CDKAL1: variants seen among roughly 807,000 people sequenced by gnomAD.
The protein encoded by CDKAL1 is CDKAL1 threonylcarbamoyladenosine tRNA methylthiotransferase.
CDKAL1 carries 32 observed loss-of-function variants against 68.2 expected under a neutral mutation model. The ratio of observed to expected loss-of-function variants is 0.47; its 90% CI spans 0.35 to 0.63. The LOEUF (loss-of-function observed/expected upper bound fraction) is 0.63, where lower values mean the gene tolerates loss of function less well. CDKAL1 is among the 30% of genes least tolerant of loss of function. The pLI is 0.00. For synonymous variants in CDKAL1, 234 were observed against 244.3 expected (o/e 0.96, Z 0.39); for missense variants, 606 against 696.7 (o/e 0.87, Z 1.47).
In CDKAL1 at chr6:20,800,131, A is replaced by G. The variant is rs145946668; in HGVS notation, c.638+18866A>G. On this transcript the variant is annotated intron_variant, in intron 8 of 15. Coordinates refer to ENST00000274695, the MANE Select transcript of CDKAL1 (RefSeq NM_017774.3). ...GCCCTGCTGGAACTGCTGGACCAGC[A>G]TATACATGCTCAGCAGCCTTTTTCT... 5.1e-3 allele frequency among the ~76,000 whole-genome samples: 767 copies of G among 149,068 alleles called. 3 individuals carry two copies. Among genetic ancestry groups the G allele is most frequent in the African/African-American group, 0.018 (739 of 40,266 alleles).
chr6:20,891,888 CTGTTTTTCTTTTTTAATTTTAGTCTTA>C (rs1339908674), intron 9 of CDKAL1, among the ~76,000 whole-genome samples: 1 of 152,126 alleles, frequency 6.6e-6, no homozygotes, highest in Non-Finnish European at 1.5e-5. Flanking sequence ...TCATGGTCAT[CTGTTTTTCTTTTTTAATTTTAGTCTTA>C]TCTACGGAGT....
intron 7 of CDKAL1, among the ~76,000 whole-genome samples, chr6:20,778,985 G>T (rs923753021): frequency 6.6e-6 from 1 of 151,994 alleles, no homozygotes; most frequent in Non-Finnish European, 1.5e-5. Flanking sequence ...AAAATTAATC[G>T]TCATAACATT....
chr6:20,605,883 A>G (rs1318185997), intron 4 of CDKAL1, among the ~76,000 whole-genome samples: 1 of 152,190 alleles, frequency 6.6e-6, no homozygotes, highest in East Asian at 1.9e-4. Flanking sequence ...GCACTGGTCA[A>G]TGCTCAGCTG....
chr6:20,581,690 A>G (rs928413950), intron 4 of CDKAL1, among the ~76,000 whole-genome samples: 1 of 152,190 alleles, frequency 6.6e-6, no homozygotes, highest in African/African-American at 2.4e-5. Flanking sequence ...AACAGCCAAT[A>G]TGAACTGCCT....
At chr6:21,171,490 G>C (rs1053802394) in intron 13 of CDKAL1, among the ~76,000 whole-genome samples, 3 of 152,130 alleles carry the variant, frequency 2.0e-5, no homozygotes, top group Non-Finnish European at 4.4e-5. Flanking sequence ...GGGATTACAG[G>C]CTGAGCCACC....
intron 13 of CDKAL1, among the ~76,000 whole-genome samples, chr6:21,127,358 C>G (rs1030002677): frequency 3.9e-5 from 6 of 152,078 alleles, no homozygotes; most frequent in African/African-American, 1.4e-4. Flanking sequence ...TCATACATGT[C>G]GATATAGAGG....
chr6:21,140,189 A>G (rs1401095023), intron 13 of CDKAL1, among the ~76,000 whole-genome samples: 2 of 152,250 alleles, frequency 1.3e-5, no homozygotes, highest in Non-Finnish European at 2.9e-5. Flanking sequence ...ACTTAATTAT[A>G]TCTTAGCAAC....
intron 11 of CDKAL1, among the ~76,000 whole-genome samples, chr6:21,023,569 T>C (rs1156409841): frequency 6.6e-6 from 1 of 152,214 alleles, no homozygotes; most frequent in Non-Finnish European, 1.5e-5. Flanking sequence ...TGTACACTTA[T>C]CGCTTTCCTT....
intron 12 of CDKAL1, among the ~76,000 whole-genome samples, chr6:21,076,711 A>G (rs1772093593): frequency 6.6e-6 from 1 of 152,218 alleles, no homozygotes; most frequent in African/African-American, 2.4e-5. Flanking sequence ...ACCCATAGGG[A>G]AGACCCTTTT....
In CDKAL1 at chr6:20,758,556, G is replaced by A. The variant is rs765821380; in HGVS notation, c.469-39G>A. On this transcript the variant is annotated intron_variant, in intron 6 of 15. Coordinates refer to ENST00000274695, the MANE Select transcript of CDKAL1 (RefSeq NM_017774.3). ...GGATAAACACAAATTTTGTTTCTTC[G>A]TGTAAATTACTTGTGTAATCGTTTT... 11 of 1,579,752 alleles carry A rather than the reference G, an allele frequency of 7.0e-6. 1 individual carries two copies. The highest frequency in any genetic ancestry group is 3.5e-5 in the South Asian group (3 of 85,248).
chr6:21,212,312 C>A (rs1361493064), intron 15 of CDKAL1, among the ~76,000 whole-genome samples: 1 of 152,044 alleles, frequency 6.6e-6, no homozygotes, highest in Non-Finnish European at 1.5e-5. Context: ...CTGATGAGGA[C>A]ATTAATATAT....
chr6:20,717,388 A>T (rs1772149761), intron 5 of CDKAL1, among the ~76,000 whole-genome samples: 1 of 151,856 alleles, frequency 6.6e-6, no homozygotes, highest in Admixed American at 6.6e-5. Context: ...GGACCAAAGT[A>T]TGACAGAAAG....
intron 5 of CDKAL1, among the ~76,000 whole-genome samples, chr6:20,697,014 C>T (rs892439982): frequency 2.0e-5 from 3 of 152,082 alleles, no homozygotes; most frequent in African/African-American, 7.2e-5. Context: ...CCTTTGGGAG[C>T]ATTGCTGGTC....
At chr6:21,139,456 G>A (rs1048307877) in intron 13 of CDKAL1, among the ~76,000 whole-genome samples, 1 of 152,134 alleles carries the variant, frequency 6.6e-6, no homozygotes, top group African/African-American at 2.4e-5. Context: ...GCAAGAAAAG[G>A]TAGAGAAAAA....
intron 4 of CDKAL1, among the ~76,000 whole-genome samples, chr6:20,565,087 T>G (rs765078040): frequency 3.3e-5 from 5 of 152,150 alleles, no homozygotes; most frequent in Non-Finnish European, 7.4e-5. Context: ...ATGTAGTTTA[T>G]GACCTAGAAA....
intron 13 of CDKAL1, among the ~76,000 whole-genome samples, chr6:21,197,318 A>G (rs1399941204): frequency 6.6e-6 from 1 of 152,194 alleles, no homozygotes; most frequent in Non-Finnish European, 1.5e-5. Flanking sequence ...GGGTGCCTAG[A>G]TCATAATGTA....
chr6:21,188,563 T>C (rs751075416), intron 13 of CDKAL1, among the ~76,000 whole-genome samples: 1 of 152,184 alleles, frequency 6.6e-6, no homozygotes, highest in Non-Finnish European at 1.5e-5. Context: ...GTTCTACACT[T>C]ATATCCAGTG....
intron 11 of CDKAL1, among the ~76,000 whole-genome samples, chr6:21,060,505 T>G (rs1310717440): frequency 6.6e-6 from 1 of 152,070 alleles, no homozygotes; most frequent in Non-Finnish European, 1.5e-5. Flanking sequence ...TTTTATTGAT[T>G]TTTCTCTATT....
intron 8 of CDKAL1, among the ~76,000 whole-genome samples, chr6:20,832,000 C>T (rs2150465251): frequency 6.6e-6 from 1 of 152,288 alleles, no homozygotes; most frequent in Admixed American, 6.5e-5. Flanking sequence ...CTCTCCTTTG[C>T]AAAACTTATT....
Sources: gnomAD v4.1 joint callset for allele counts (sites outside exome capture counted in the v4.1 genomes callset) on GRCh38, gnomAD v4.1.1 for gene constraint, MANE v1.5 for transcripts, NCBI Gene and HGNC (gene_info 2026-07-23, HGNC 2026-07-21) for gene names.